Variants in NPIPB2 observed in about 807,000 individuals in gnomAD.
NPIPB2 encodes nuclear pore complex-interacting protein family member B2.
NPIPB2 carries 27 observed loss-of-function variants against 30.8 expected under a neutral mutation model. The observed-to-expected ratio is 0.88, with a 90% CI of 0.65 to 1.21. The LOEUF (loss-of-function observed/expected upper bound fraction) is 1.21. NPIPB2 is among the 50% of genes most tolerant of loss of function. The pLI is 0.00. For synonymous variants in NPIPB2, 147 were observed against 162.0 expected (o/e 0.91, Z 0.70); for missense variants, 440 against 446.2 (o/e 0.99, Z 0.13).
upstream of NPIPB2, chr16:11,976,635 C>T (rs761252950): frequency 1.3e-5 from 5 of 395,942 alleles, no homozygotes; most frequent in South Asian, 1.2e-4. Context: ...TGGATCTGCG[C>T]CGCGGTTTAC....
intron 1 of NPIPB2, among the ~76,000 whole-genome samples, chr16:11,953,890 A>G (rs1025086016): frequency 2.0e-5 from 3 of 151,580 alleles, no homozygotes; most frequent in Non-Finnish European, 4.4e-5. Context: ...TGGCCAGGCT[A>G]GTCTCCAACT....
intron 1 of NPIPB2, among the ~76,000 whole-genome samples, chr16:11,948,499 G>C (rs1308467520): frequency 6.6e-6 from 1 of 152,092 alleles, no homozygotes; most frequent in African/African-American, 2.4e-5. Flanking sequence ...GGGCGCAGTG[G>C]CTCACACCTG....
Position 11,964,834 on chromosome 16 carries a change from G to T in NPIPB2, c.-584+11734C>A, listed in dbSNP as rs543385877. 7.4e-4 allele frequency among the ~76,000 whole-genome samples: 112 copies of T among 152,318 alleles called. 1 individual carries two copies. The highest frequency in any genetic ancestry group is 5.4e-4 in the Non-Finnish European group (37 of 68,034). ...TGCCTTTTGACTCCCAAAGTCCTGG[G>T]ATTACAGGTGTGAACCCCTGCAGCT... On this transcript the variant is annotated intron_variant, in intron 1 of 5. Transcript: ENST00000538896.
At chr16:11,962,272 G>A (rs989563387) in intron 1 of NPIPB2, among the ~76,000 whole-genome samples, 15 of 150,702 alleles carry the variant, frequency 1.0e-4, no homozygotes, top group African/African-American at 3.4e-4. Context: ...AGGCCGAGGC[G>A]GGTCGATCAC....
intron 1 of NPIPB2, among the ~76,000 whole-genome samples, chr16:11,959,562 C>T (rs1043214969): frequency 6.6e-6 from 1 of 151,580 alleles, no homozygotes; most frequent in Non-Finnish European, 1.5e-5. Context: ...TACCTCTAAC[C>T]GGGTGACAGA....
chr16:11,948,800 AAAG>A (rs1423557875), intron 1 of NPIPB2, among the ~76,000 whole-genome samples: 2 of 150,686 alleles, frequency 1.3e-5, no homozygotes, highest in African/African-American at 4.9e-5. Context: ...AAAAGAAAGA[AAAG>A]AAATATTAGC....
chr16:11,944,333 A>G (rs2150921477), upstream of NPIPB2, among the ~76,000 whole-genome samples: 1 of 151,766 alleles, frequency 6.6e-6, no homozygotes, highest in South Asian at 2.1e-4. Context: ...CACCCAGCTA[A>G]TTTTTGTAGT....
chr16:11,930,522 G>T (rs1199743449), exon 5 of NPIPB2: 2 of 1,587,542 alleles, frequency 1.3e-6, no homozygotes, highest in Non-Finnish European at 1.7e-6. Flanking sequence ...CTCCTTTTCT[G>T]CATGCTCACA....
intron 1 of NPIPB2, among the ~76,000 whole-genome samples, chr16:11,974,431 C>T (rs1199534311): frequency 6.6e-6 from 1 of 152,114 alleles, no homozygotes; most frequent in African/African-American, 2.4e-5. Flanking sequence ...GCAGGAGAAT[C>T]ACTAGAACCC....
intron 1 of NPIPB2, chr16:11,968,076 G>T: frequency 3.3e-5 from 15 of 454,906 alleles, no homozygotes; most frequent in Non-Finnish European, 4.2e-5. Flanking sequence ...TGACATCTAA[G>T]TTTTTATTAA....
exon 5 of NPIPB2, chr16:11,930,506 C>G (rs1242149443): frequency 1.3e-6 from 2 of 1,587,768 alleles, no homozygotes; most frequent in Non-Finnish European, 1.7e-6. Context: ...CCTCTGACAC[C>G]TGCCTCTCCT....
At chr16:11,966,257 A>T in intron 1 of NPIPB2, 4 of 1,614,080 alleles carry the variant, frequency 2.5e-6, no homozygotes, top group Non-Finnish European at 3.4e-6. Flanking sequence ...ACTGAGCTTA[A>T]TAATTTCTTT....
At chr16:11,947,503 C>T (rs935864404) in intron 1 of NPIPB2, among the ~76,000 whole-genome samples, 2 of 151,452 alleles carry the variant, frequency 1.3e-5, no homozygotes, top group Non-Finnish European at 2.9e-5. Context: ...CGATGCCACG[C>T]CCCGCTAATT....
intron 1 of NPIPB2, among the ~76,000 whole-genome samples, chr16:11,950,928 C>G (rs1005956236): frequency 2.6e-5 from 4 of 152,182 alleles, no homozygotes; most frequent in African/African-American, 9.6e-5. Context: ...TTGGCTAACA[C>G]TCTTCTTTCT....
At chr16:11,935,206 G>A (rs1463837665) in intron 2 of NPIPB2, among the ~76,000 whole-genome samples, 1 of 150,354 alleles carries the variant, frequency 6.7e-6, no homozygotes, top group Non-Finnish European at 1.5e-5. Flanking sequence ...ATCACAGTAT[G>A]CTTTTAATCT....
At chr16:11,944,788 T>C (rs961957282), upstream of NPIPB2, among the ~76,000 whole-genome samples, 1 of 69,708 alleles carries the variant, frequency 1.4e-5, no homozygotes, top group African/African-American at 5.8e-5. Flanking sequence ...ACAAAACATA[T>C]ACAAAAGAAA....
upstream of NPIPB2, among the ~76,000 whole-genome samples, chr16:11,946,745 A>C (rs1270275333): frequency 6.6e-6 from 1 of 152,140 alleles, no homozygotes; most frequent in Non-Finnish European, 1.5e-5. Flanking sequence ...GTTTAATAAA[A>C]ATGTAAAGAT....
upstream of NPIPB2, among the ~76,000 whole-genome samples, chr16:11,946,663 G>GA (rs1220098186): frequency 3.3e-5 from 5 of 152,112 alleles, no homozygotes; most frequent in African/African-American, 7.2e-5. Context: ...AGGCTATGGA[G>GA]AAACAGAAAC....
intron 1 of NPIPB2, among the ~76,000 whole-genome samples, chr16:11,938,840 C>T (rs1464559326): frequency 2.0e-5 from 3 of 152,000 alleles, no homozygotes; most frequent in Admixed American, 2.0e-4. Context: ...CCTCCGCCTC[C>T]CGGGTTCAAG....
Sources: gnomAD v4.1 joint callset for allele counts (sites outside exome capture counted in the v4.1 genomes callset) on GRCh38, gnomAD v4.1.1 for gene constraint, MANE v1.5 for transcripts, NCBI Gene and HGNC (gene_info 2026-07-23, HGNC 2026-07-21) for gene names.